Variants in PRKAG2 observed in about 807,000 individuals in gnomAD.
The protein encoded by PRKAG2 is protein kinase AMP-activated non-catalytic subunit gamma 2.
PRKAG2 carries 26 observed loss-of-function variants against 69.6 expected under a neutral mutation model. That is an observed-to-expected ratio of 0.37 (90% CI 0.27 to 0.52). The LOEUF (loss-of-function observed/expected upper bound fraction) is 0.52, where lower values mean the gene tolerates loss of function less well. PRKAG2 is among the 20% of genes least tolerant of loss of function. The probability of loss-of-function intolerance (pLI) is 0.90; values close to 1 mark genes in which losing one functional copy is unlikely to be tolerated. For synonymous variants in PRKAG2, 293 were observed against 285.0 expected (o/e 1.03, Z -0.28); for missense variants, 557 against 740.0 (o/e 0.75, Z 2.87).
At chr7:151,853,816 T>TTATC (rs1336448362) in intron 1 of PRKAG2, among the ~76,000 whole-genome samples, 9 of 150,850 alleles carry the variant, frequency 6.0e-5, no homozygotes, top group Admixed American at 4.0e-4. Flanking sequence ...TAACCTAATA[T>TTATC]TATCACCTGC....
At chr7:151,618,071 T>C (rs940671662) in intron 5 of PRKAG2, among the ~76,000 whole-genome samples, 25 of 152,100 alleles carry the variant, frequency 1.6e-4, no homozygotes, top group African/African-American at 5.6e-4. Context: ...GCTGTAATCC[T>C]AGTACTTTGA....
chr7:151,676,148 C>T (rs1832910378), intron 3 of PRKAG2, among the ~76,000 whole-genome samples: 1 of 151,560 alleles, frequency 6.6e-6, no homozygotes, highest in African/African-American at 2.4e-5. Flanking sequence ...CGCAGTGGTG[C>T]CTTATTTATT....
At position 151,568,224 on chromosome 7, in the gene PRKAG2, A is replaced by G. The variant is rs540432737; in HGVS notation, c.1233+492T>C. ...TAATACAGGCCTTATTTGGACCAAC[A>G]TGGTATTCTCTTGCCAAAATTTTAT... On this transcript the variant is annotated intron_variant, in intron 11 of 15. Transcript: ENST00000287878. Among the ~76,000 whole-genome samples, 11 of 152,308 alleles carry G rather than the reference A, an allele frequency of 7.2e-5. No individual in the cohort carries two copies. The East Asian group carries it at 2.1e-3, about 29-fold the overall frequency.
chr7:151,573,661 G>C (rs1291247766), intron 8 of PRKAG2, among the ~76,000 whole-genome samples: 2 of 152,078 alleles, frequency 1.3e-5, no homozygotes, highest in Admixed American at 6.6e-5. Flanking sequence ...GCAGAGATAT[G>C]ACCACTATAA....
At chr7:151,730,514 T>C (rs932096402) in intron 3 of PRKAG2, among the ~76,000 whole-genome samples, 5 of 152,038 alleles carry the variant, frequency 3.3e-5, no homozygotes, top group Non-Finnish European at 5.9e-5. Flanking sequence ...TAAAAACAAA[T>C]TTAAAAAGTA....
chr7:151,786,999 C>T (rs940189994), intron 1 of PRKAG2, among the ~76,000 whole-genome samples: 2 of 152,156 alleles, frequency 1.3e-5, no homozygotes, highest in Non-Finnish European at 2.9e-5. Context: ...AAACTATTAG[C>T]AGAGTCTAAT....
chr7:151,743,813 G>A (rs2074070189), intron 3 of PRKAG2, among the ~76,000 whole-genome samples: 1 of 152,222 alleles, frequency 6.6e-6, no homozygotes, highest in South Asian at 2.1e-4. Context: ...TCTGGAGCCA[G>A]GGAGGCTGTG....
In PRKAG2 at chr7:151,749,651, C is replaced by T. The variant is rs150177249; in HGVS notation, c.466+31501G>A. 1.1e-4 allele frequency among the ~76,000 whole-genome samples: 16 copies of T among 152,160 alleles called. No individual in the cohort carries two copies. In the East Asian group the frequency reaches 2.7e-3, roughly 26 times the overall value. ...ATCCAATCAAAAAAATGAGCAGCTG[C>T]CTTGATTAAATATTTCCCCAAAGAA... On this transcript the variant is annotated intron_variant, in intron 3 of 15. Transcript: ENST00000287878.
chr7:151,853,887 A>C (rs1039155958), intron 1 of PRKAG2, among the ~76,000 whole-genome samples: 6 of 152,040 alleles, frequency 3.9e-5, no homozygotes, highest in Non-Finnish European at 7.4e-5. Flanking sequence ...TCAAAATAAG[A>C]CCTTCTGACC....
At chr7:151,830,738 C>T (rs1763111569) in intron 1 of PRKAG2, among the ~76,000 whole-genome samples, 1 of 149,702 alleles carries the variant, frequency 6.7e-6, no homozygotes, top group South Asian at 2.1e-4. Flanking sequence ...CTGGAAAACT[C>T]CCTCTGGCCA....
intron 1 of PRKAG2, among the ~76,000 whole-genome samples, chr7:151,867,491 T>A (rs534078406): frequency 4.3e-4 from 66 of 152,280 alleles, no homozygotes; most frequent in African/African-American, 1.5e-3. Context: ...TTCTTGCCTG[T>A]GCCTCTGGAT....
At chr7:151,591,397 G>A (rs1050212180) in intron 6 of PRKAG2, among the ~76,000 whole-genome samples, 7 of 152,238 alleles carry the variant, frequency 4.6e-5, no homozygotes, top group Non-Finnish European at 1.0e-4. Context: ...CGCTGATAGC[G>A]GTGTGGGCTG....
At chr7:151,686,298 C>T (rs1834729221) in intron 3 of PRKAG2, among the ~76,000 whole-genome samples, 1 of 152,230 alleles carries the variant, frequency 6.6e-6, no homozygotes, top group Non-Finnish European at 1.5e-5. Flanking sequence ...TCCAATCTCC[C>T]TATTTCACAG....
intron 3 of PRKAG2, among the ~76,000 whole-genome samples, chr7:151,742,626 A>AC (rs11379658): frequency 0.032 from 4,490 of 141,764 alleles, 207 homozygotes; most frequent in African/African-American, 0.1. Flanking sequence ...TACATCTCAC[A>AC]AAAAAAAAAA....
chr7:151,827,980 C>G (rs1256993337), intron 1 of PRKAG2, among the ~76,000 whole-genome samples: 1 of 152,160 alleles, frequency 6.6e-6, no homozygotes, highest in Non-Finnish European at 1.5e-5. Context: ...CCTTCCCATC[C>G]AGTCCAGAAA....
chr7:151,847,683 C>T (rs1034396705), intron 1 of PRKAG2, among the ~76,000 whole-genome samples: 1 of 152,236 alleles, frequency 6.6e-6, no homozygotes, highest in Non-Finnish European at 1.5e-5. Context: ...CGACAAGCTC[C>T]GCTGGGGCTG....
At chr7:151,575,852 C>T (rs556056468) in intron 7 of PRKAG2, among the ~76,000 whole-genome samples, 1 of 134,632 alleles carries the variant, frequency 7.4e-6, no homozygotes, top group Admixed American at 7.6e-5. Flanking sequence ...ACAACAAAAG[C>T]TCCATAAAAG....
intron 3 of PRKAG2, among the ~76,000 whole-genome samples, chr7:151,689,743 T>C (rs758335804): frequency 2.0e-5 from 3 of 152,140 alleles, no homozygotes; most frequent in Non-Finnish European, 4.4e-5. Context: ...TTCTGTTGAC[T>C]CAACACATCA....
intron 6 of PRKAG2, among the ~76,000 whole-genome samples, chr7:151,582,248 C>T (rs957692386): frequency 1.3e-5 from 2 of 152,180 alleles, no homozygotes; most frequent in African/African-American, 4.8e-5. Flanking sequence ...CTCCTGGGTT[C>T]AAGTGATTCT....
Sources: gnomAD v4.1 joint callset for allele counts (sites outside exome capture counted in the v4.1 genomes callset) on GRCh38, gnomAD v4.1.1 for gene constraint, MANE v1.5 for transcripts, NCBI Gene and HGNC (gene_info 2026-07-23, HGNC 2026-07-21) for gene names.